The following DPYD variants were observed in gnomAD, a reference collection of about 807,000 sequenced individuals.
The protein encoded by DPYD is dihydropyrimidine dehydrogenase.
DPYD carries 109 observed loss-of-function variants against 116.2 expected under a neutral mutation model. The observed-to-expected ratio is 0.94, with a 90% CI of 0.80 to 1.10. DPYD has a LOEUF of 1.10. Ranked by LOEUF, DPYD falls within the 50% of genes least tolerant of loss-of-function variation. The probability of loss-of-function intolerance (pLI) is 0.00; values close to 1 mark genes in which losing one functional copy is unlikely to be tolerated. For synonymous variants in DPYD, 440 were observed against 432.0 expected (o/e 1.02, Z -0.23); for missense variants, 1,302 against 1,254.5 (o/e 1.04, Z -0.57).
At chr1:97,485,277 C>G (rs1161583250) in intron 13 of DPYD, among the ~76,000 whole-genome samples, 1 of 152,208 alleles carries the variant, frequency 6.6e-6, no homozygotes, top group African/African-American at 2.4e-5. Flanking sequence ...TCTTGGCTCA[C>G]TGCAACCTCC....
At chr1:97,629,358 G>A (rs1043083851) in intron 8 of DPYD, among the ~76,000 whole-genome samples, 13 of 152,104 alleles carry the variant, frequency 8.5e-5, no homozygotes, top group African/African-American at 2.6e-4. Flanking sequence ...AATAAAGCAT[G>A]TGTTAAAAAG....
chr1:97,871,186 TTTA>T (rs1304563923), intron 2 of DPYD, among the ~76,000 whole-genome samples: 1 of 151,960 alleles, frequency 6.6e-6, no homozygotes, highest in Non-Finnish European at 1.5e-5. Flanking sequence ...ACACATCTGC[TTTA>T]TTATATACTA....
intron 14 of DPYD, among the ~76,000 whole-genome samples, chr1:97,412,471 C>A (rs182260468): frequency 6.6e-6 from 1 of 152,088 alleles, no homozygotes; most frequent in South Asian, 2.1e-4. Flanking sequence ...ATAGGAGAAA[C>A]GTATCCTTTC....
At chr1:97,139,015 G>A (rs1275996934) in intron 20 of DPYD, among the ~76,000 whole-genome samples, 4 of 152,104 alleles carry the variant, frequency 2.6e-5, no homozygotes, top group Non-Finnish European at 4.4e-5. Context: ...CTCTTTTCAG[G>A]AATTCTAAAA....
intron 10 of DPYD, among the ~76,000 whole-genome samples, chr1:97,585,565 A>T (rs1654033006): frequency 6.6e-6 from 1 of 152,192 alleles, no homozygotes; most frequent in African/African-American, 2.4e-5. Context: ...TTTAGAAAAA[A>T]ATTTTAAAAT....
intron 8 of DPYD, among the ~76,000 whole-genome samples, chr1:97,635,973 C>G (rs1557851637): frequency 6.6e-6 from 1 of 152,052 alleles, no homozygotes; most frequent in African/African-American, 2.4e-5. Context: ...GCATGCATCA[C>G]CATGCCCAGC....
intron 2 of DPYD, among the ~76,000 whole-genome samples, chr1:97,848,249 C>T (rs950026358): frequency 6.6e-6 from 1 of 152,160 alleles, no homozygotes; most frequent in Non-Finnish European, 1.5e-5. Context: ...AGGCGCCTGC[C>T]ACCACGGCCG....
At chr1:97,845,316 A>C (rs994831066) in intron 2 of DPYD, among the ~76,000 whole-genome samples, 1 of 152,124 alleles carries the variant, frequency 6.6e-6, no homozygotes, top group Non-Finnish European at 1.5e-5. Context: ...TCCCTTCTGA[A>C]GCCCATACAA....
At chr1:97,482,221 A>G (rs1258966296) in intron 13 of DPYD, among the ~76,000 whole-genome samples, 6 of 152,170 alleles carry the variant, frequency 3.9e-5, no homozygotes, top group Admixed American at 3.9e-4. Flanking sequence ...TAATATGTGG[A>G]TGTATCCAGT....
intron 8 of DPYD, among the ~76,000 whole-genome samples, chr1:97,660,507 T>G (rs1300596354): frequency 6.6e-6 from 1 of 152,134 alleles, no homozygotes; most frequent in Non-Finnish European, 1.5e-5. Flanking sequence ...GTAAAATTAA[T>G]TAACAATGTA....
At chr1:97,813,250 T>A (rs890064978) in intron 3 of DPYD, among the ~76,000 whole-genome samples, 17 of 152,250 alleles carry the variant, frequency 1.1e-4, no homozygotes, top group African/African-American at 4.1e-4. Flanking sequence ...AAAAAAAATC[T>A]GATTCCCCAA....
intron 12 of DPYD, among the ~76,000 whole-genome samples, chr1:97,529,657 C>T (rs1173454387): frequency 6.6e-6 from 1 of 151,040 alleles, no homozygotes; most frequent in African/African-American, 2.4e-5. Context: ...TTATCCCTTC[C>T]TTTTTTTCTT....
At chr1:97,357,002 T>A (rs1449970260) in intron 16 of DPYD, among the ~76,000 whole-genome samples, 1 of 152,124 alleles carries the variant, frequency 6.6e-6, no homozygotes, top group Non-Finnish European at 1.5e-5. Flanking sequence ...CTATTCAGGG[T>A]TTTTTTGCAG....
At chr1:97,253,567 C>A (rs1570764858) in intron 18 of DPYD, among the ~76,000 whole-genome samples, 1 of 152,134 alleles carries the variant, frequency 6.6e-6, no homozygotes. Flanking sequence ...CCATTCTCAT[C>A]CTCCATCTCA....
At chr1:97,909,147 T>C (rs1220249521) in intron 1 of DPYD, among the ~76,000 whole-genome samples, 1 of 152,144 alleles carries the variant, frequency 6.6e-6, no homozygotes, top group African/African-American at 2.4e-5. Flanking sequence ...CTTCAAACTT[T>C]TACAGCCTGT....
intron 2 of DPYD, among the ~76,000 whole-genome samples, chr1:97,878,169 C>CG (rs1389989077): frequency 6.6e-6 from 1 of 151,854 alleles, no homozygotes; most frequent in Admixed American, 6.6e-5. Context: ...TGCTGAGCCA[C>CG]ATTGGAGCCT....
At chr1:97,719,016 C>A (rs1662773865) in intron 5 of DPYD, among the ~76,000 whole-genome samples, 1 of 151,388 alleles carries the variant, frequency 6.6e-6, no homozygotes, top group African/African-American at 2.4e-5. Context: ...AAAAAAGTGC[C>A]TCCTAGAGTG....
chr1:97,639,631 TA>T lies in DPYD; in HGVS notation c.850+39463del, dbSNP rs1657767206. 4.6e-5 allele frequency among the ~76,000 whole-genome samples: 7 copies of T among 152,002 alleles called. No homozygotes were observed. The Admixed American group carries it at 4.6e-4, about 10-fold the overall frequency. ...TATATCAAATAATCAATGGTCTCAT[TA>T]AAAACAAGACCCCAATCTTATAAAT... is the stretch of plus-strand genomic sequence containing the variant. On this transcript the variant is annotated intron_variant, in intron 8 of 22. Coordinates refer to ENST00000370192, the MANE Select transcript of DPYD (RefSeq NM_000110.4).
At chr1:97,131,663 G>A (rs1287977569) in intron 20 of DPYD, among the ~76,000 whole-genome samples, 1 of 152,136 alleles carries the variant, frequency 6.6e-6, no homozygotes. Context: ...ACAAACGTCA[G>A]TCTTCATGAC....
Sources: allele counts gnomAD v4.1 joint callset (sites outside exome capture counted in the v4.1 genomes callset), GRCh38; gene constraint gnomAD v4.1.1; transcripts MANE v1.5; gene names NCBI Gene and HGNC (gene_info 2026-07-23, HGNC 2026-07-21).